ORC5: variants seen among roughly 807,000 people sequenced by gnomAD.
The protein encoded by ORC5 is protein phosphatase 1, regulatory subunit 117.
ORC5 carries 39 observed loss-of-function variants against 58.8 expected under a neutral mutation model. That is an observed-to-expected ratio of 0.66 (90% CI 0.51 to 0.87). The LOEUF (loss-of-function observed/expected upper bound fraction) is 0.87, where lower values mean the gene tolerates loss of function less well. ORC5 is among the 40% of genes least tolerant of loss of function. ORC5 has a pLI of 0.00. For synonymous variants in ORC5, 218 were observed against 177.6 expected (o/e 1.23, Z -1.81); for missense variants, 493 against 506.3 (o/e 0.97, Z 0.25).
intron 11 of ORC5, among the ~76,000 whole-genome samples, chr7:104,162,183 C>CT (rs1799036263): frequency 6.6e-6 from 1 of 151,916 alleles, no homozygotes; most frequent in African/African-American, 2.4e-5. Flanking sequence ...ATATTTATTT[C>CT]TTTTTTTGAG....
intron 11 of ORC5, among the ~76,000 whole-genome samples, chr7:104,165,019 CT>C (rs535180547): frequency 5.7e-4 from 87 of 152,274 alleles, no homozygotes; most frequent in African/African-American, 2.0e-3. Flanking sequence ...CACTAAAAAA[CT>C]TTGTCAACTC....
intron 12 of ORC5, among the ~76,000 whole-genome samples, chr7:104,142,896 T>C (rs1798695246): frequency 6.6e-6 from 1 of 152,178 alleles, no homozygotes; most frequent in Non-Finnish European, 1.5e-5. Flanking sequence ...GAGTAAGTAC[T>C]GCTAAAACCC....
At chr7:104,150,557 A>G (rs1385429491) in intron 12 of ORC5, among the ~76,000 whole-genome samples, 2 of 152,160 alleles carry the variant, frequency 1.3e-5, no homozygotes, top group Non-Finnish European at 2.9e-5. Flanking sequence ...AAAAAAAAAA[A>G]AGGAGAGTGG....
At chr7:104,204,750 C>T (rs1225700878) in intron 1 of ORC5, among the ~76,000 whole-genome samples, 1 of 152,164 alleles carries the variant, frequency 6.6e-6, no homozygotes, top group Non-Finnish European at 1.5e-5. Context: ...CTCACTGATG[C>T]TGGCATAAAT....
intron 12 of ORC5, among the ~76,000 whole-genome samples, chr7:104,144,172 A>G (rs1001912416): frequency 6.6e-6 from 1 of 152,194 alleles, no homozygotes; most frequent in African/African-American, 2.4e-5. Context: ...AAATATTTAA[A>G]GGTACTTTCC....
chr7:104,172,643 A>AC (rs1419561595), intron 8 of ORC5, among the ~76,000 whole-genome samples: 1 of 152,244 alleles, frequency 6.6e-6, no homozygotes, highest in African/African-American at 2.4e-5. Flanking sequence ...TCTAATATCT[A>AC]TAAGACACTT....
intron 13 of ORC5, among the ~76,000 whole-genome samples, chr7:104,134,710 G>T (rs1339922762): frequency 6.6e-6 from 1 of 152,088 alleles, no homozygotes; most frequent in African/African-American, 2.4e-5. Flanking sequence ...TAAGTCCAGG[G>T]GAAGCAGCAT....
At chr7:104,156,808 T>C (rs1798935396) in intron 12 of ORC5, among the ~76,000 whole-genome samples, 1 of 151,930 alleles carries the variant, frequency 6.6e-6, no homozygotes, top group African/African-American at 2.4e-5. Context: ...CATAAAAGTG[T>C]AAATACACAC....
At chr7:104,193,563 A>G (rs1331239114) in intron 5 of ORC5, among the ~76,000 whole-genome samples, 2 of 152,106 alleles carry the variant, frequency 1.3e-5, no homozygotes, top group African/African-American at 4.8e-5. Context: ...CAGACACCAT[A>G]TTCCTGAAAA....
At position 104,179,539 on chromosome 7, in the gene ORC5, G is replaced by GT. The variant is rs199698766; in HGVS notation, c.824+4403dup. Among the ~76,000 whole-genome samples the GT allele has an allele frequency of 3.9e-3, 572 of 147,052 alleles. 8 individuals carry two copies. The East Asian group carries it at 0.05, about 13-fold the overall frequency. ...CTTTGGTCCACTATATTAGAAAGAAGTTTTTTTTTTTCCTAAGTATTGATC... is the reference window on the plus strand; with the variant it reads ...CTTTGGTCCACTATATTAGAAAGAAGTTTTTTTTTTTTCCTAAGTATTGATC... On this transcript the variant is annotated intron_variant, in intron 8 of 13. Transcript: ENST00000297431.
chr7:104,143,724 C>T (rs1798710659), intron 12 of ORC5, among the ~76,000 whole-genome samples: 1 of 152,058 alleles, frequency 6.6e-6, no homozygotes, highest in Non-Finnish European at 1.5e-5. Context: ...TTGACTTTAT[C>T]ATGTGAAAAT....
intron 11 of ORC5, among the ~76,000 whole-genome samples, chr7:104,163,647 C>T (rs1363157953): frequency 2.0e-5 from 3 of 152,066 alleles, no homozygotes; most frequent in Non-Finnish European, 4.4e-5. Flanking sequence ...CCATCATGCC[C>T]GGCTAATTTT....
chr7:104,206,333 C>T (rs10279675), intron 1 of ORC5, among the ~76,000 whole-genome samples: 16,625 of 152,140 alleles, frequency 0.11, 1,582 homozygotes, highest in African/African-American at 0.26. Flanking sequence ...TGCACAGCAC[C>T]TTGCAGAAAA....
At chr7:104,169,909 A>G (rs1188759634) in intron 8 of ORC5, among the ~76,000 whole-genome samples, 1 of 152,184 alleles carries the variant, frequency 6.6e-6, no homozygotes, top group Non-Finnish European at 1.5e-5. Flanking sequence ...GTTTGGAGCT[A>G]AGCTTAATTA....
chr7:104,202,972 A>G (rs1299951528), intron 2 of ORC5, among the ~76,000 whole-genome samples: 1 of 152,254 alleles, frequency 6.6e-6, no homozygotes, highest in Non-Finnish European at 1.5e-5. Context: ...ATATTATGAC[A>G]GAATTAAGCA....
At chr7:104,185,777 C>G (rs934284974) in intron 6 of ORC5, among the ~76,000 whole-genome samples, 1 of 151,796 alleles carries the variant, frequency 6.6e-6, no homozygotes, top group Non-Finnish European at 1.5e-5. Context: ...TAAAAACATA[C>G]TAATTCCATT....
At chr7:104,194,752 A>G (rs1457934837) in intron 5 of ORC5, among the ~76,000 whole-genome samples, 1 of 152,138 alleles carries the variant, frequency 6.6e-6, no homozygotes, top group Non-Finnish European at 1.5e-5. Context: ...TCACAATATA[A>G]ATATACATCT....
rs371914831 is a variant in ORC5, at chr7:104,161,119, T to C, written c.1102A>G (p.Ser368Gly). Residue 368 changes from serine to glycine, a missense_variant, in exon 12 of 14, where the codon AGT becomes GGT. Physicochemically the swap from Ser to Gly is moderately conservative, Grantham distance 56. Coordinates refer to ENST00000297431, the MANE Select transcript of ORC5 (RefSeq NM_002553.4). The part of the protein sequence containing the change: ...PLDRLLAILY[S>G]IVDSRVAPTA... ...GGAGCAACTCTGCTGTCCACGATAC[T>C]ATATAATATTGCTAATAATCTGTCT... 2.5e-6 allele frequency: 4 copies of C among 1,610,334 alleles called. No individual in the cohort carries two copies. The highest frequency in any genetic ancestry group is 2.5e-6 in the Non-Finnish European group (3 of 1,176,956).
rs915143976 is a variant in ORC5, at chr7:104,133,610, T to C, written c.1262+3171A>G. Reference sequence around the variant, plus strand: ...TCAAGAATATTATAAAAAATAGGTCTGGTCTTTAAAAACAGGGGCATTATT... The same window carrying C: ...TCAAGAATATTATAAAAAATAGGTCCGGTCTTTAAAAACAGGGGCATTATT... On this transcript the variant is annotated intron_variant, in intron 13 of 13. Transcript: ENST00000297431. The surrounding 1 kb of genome is among the most constrained non-coding windows in gnomAD (Gnocchi z 4.7). Among the ~76,000 whole-genome samples, 1 of 152,138 alleles carries C rather than the reference T, an allele frequency of 6.6e-6. No homozygotes were observed. The highest frequency in any genetic ancestry group is 1.5e-5 in the Non-Finnish European group (1 of 68,032).
Sources: gnomAD v4.1 joint callset for allele counts (sites outside exome capture counted in the v4.1 genomes callset) on GRCh38, gnomAD v4.1.1 for gene constraint, Gnocchi (gnomAD v3.1) non-coding constraint, MANE v1.5 for transcripts, NCBI Gene and HGNC (gene_info 2026-07-23, HGNC 2026-07-21) for gene names.